The following TBC1D19 variants were observed in gnomAD, a reference collection of about 807,000 sequenced individuals.
TBC1D19 encodes the protein TBC1 domain family, member 19.
In TBC1D19, 60 loss-of-function variants were observed where a neutral mutation model predicts 89.0. That is an observed-to-expected ratio of 0.67 (90% CI 0.55 to 0.84). The LOEUF (loss-of-function observed/expected upper bound fraction) is 0.84. Ranked by LOEUF, TBC1D19 falls within the 40% of genes least tolerant of loss-of-function variation. TBC1D19 has a pLI of 0.00. For missense variants in TBC1D19, 500 were observed against 610.8 expected (o/e 0.82, Z 1.91); for synonymous variants, 189 against 199.7 (o/e 0.95, Z 0.45).
chr4:26,813,227 G>T, the TBC1D19 span, among the ~76,000 whole-genome samples: 7 of 151,792 alleles, frequency 4.6e-5, no homozygotes, highest in African/African-American at 1.7e-4. Context: ...CTCCAGCCTG[G>T]GTGACAGAGA....
At chr4:26,710,190 C>T (rs1389570788) in intron 13 of TBC1D19, among the ~76,000 whole-genome samples, 1 of 151,960 alleles carries the variant, frequency 6.6e-6, no homozygotes, top group Non-Finnish European at 1.5e-5. Flanking sequence ...TCTCCCCCAA[C>T]CCCACAACAG....
At chr4:26,614,822 C>T (rs969345817) in intron 3 of TBC1D19, among the ~76,000 whole-genome samples, 2 of 152,080 alleles carry the variant, frequency 1.3e-5, no homozygotes, top group East Asian at 1.9e-4. Flanking sequence ...GGATTACAGG[C>T]CCCTGCCACA....
the TBC1D19 span, among the ~76,000 whole-genome samples, chr4:26,856,721 C>A: frequency 2.0e-5 from 3 of 152,184 alleles, no homozygotes; most frequent in Non-Finnish European, 4.4e-5. Flanking sequence ...CAATTCTAGT[C>A]CTCTTTTTGT....
intron 7 of TBC1D19, among the ~76,000 whole-genome samples, chr4:26,645,014 C>A (rs926519863): frequency 6.6e-6 from 1 of 150,630 alleles, no homozygotes; most frequent in Non-Finnish European, 1.5e-5. Flanking sequence ...GAGGCACAAA[C>A]AAATGGAAGA....
intron 7 of TBC1D19, among the ~76,000 whole-genome samples, chr4:26,656,460 C>A (rs1224112286): frequency 6.6e-6 from 1 of 152,010 alleles, no homozygotes; most frequent in Non-Finnish European, 1.5e-5. Flanking sequence ...ATGATCCTAG[C>A]AAACATATTT....
intron 5 of TBC1D19, among the ~76,000 whole-genome samples, chr4:26,638,349 T>A (rs1743268059): frequency 6.7e-6 from 1 of 148,726 alleles, no homozygotes; most frequent in African/African-American, 2.6e-5. Flanking sequence ...TGTCTAAATA[T>A]GTAGTATTGT....
At chr4:26,713,777 A>G (rs1409669653) in intron 13 of TBC1D19, among the ~76,000 whole-genome samples, 3 of 152,132 alleles carry the variant, frequency 2.0e-5, no homozygotes, top group Non-Finnish European at 4.4e-5. Context: ...GTAAACATAT[A>G]GAAATGCTGG....
At chr4:26,630,534 T>C (rs1264353758) in intron 4 of TBC1D19, among the ~76,000 whole-genome samples, 1 of 151,968 alleles carries the variant, frequency 6.6e-6, no homozygotes, top group Non-Finnish European at 1.5e-5. Flanking sequence ...ACTTAGGGCC[T>C]AATTATCCAC....
At chr4:26,846,844 A>G in the TBC1D19 span, among the ~76,000 whole-genome samples, 1 of 152,162 alleles carries the variant, frequency 6.6e-6, no homozygotes, top group East Asian at 1.9e-4. Context: ...TCTTATTGAG[A>G]GTATGTCTAC....
At chr4:26,696,857 C>G (rs1714834189) in intron 13 of TBC1D19, among the ~76,000 whole-genome samples, 1 of 152,168 alleles carries the variant, frequency 6.6e-6, no homozygotes, top group Admixed American at 6.5e-5. Flanking sequence ...ACATTTAAAG[C>G]AGTGTGTAGA....
intron 18 of TBC1D19, 85 bp from the exon 19 acceptor site, chr4:26,748,326 A>T: frequency 1.1e-6 from 1 of 898,936 alleles, no homozygotes; most frequent in East Asian, 2.4e-5. Flanking sequence ...ACTCTTGAAT[A>T]GAATTGGTTG....
chr4:26,652,521 G>A lies in TBC1D19; in HGVS notation c.481-7076G>A, dbSNP rs866319604. ...CTCCCTGAGAGCTGGGATTACAGGCGTGAGCCACCGCACCCGGCCAGAGCC... is the reference window on the plus strand; with the variant it reads ...CTCCCTGAGAGCTGGGATTACAGGCATGAGCCACCGCACCCGGCCAGAGCC... On this transcript the variant is annotated intron_variant, in intron 7 of 20. Coordinates refer to ENST00000264866, the MANE Select transcript of TBC1D19 (RefSeq NM_018317.4). Among the ~76,000 whole-genome samples, 51 of 152,256 alleles carry A rather than the reference G, an allele frequency of 3.3e-4. No homozygotes were observed. In the Middle Eastern group the frequency reaches 0.01, roughly 30 times the overall value.
At chr4:26,766,617 T>G in the TBC1D19 span, among the ~76,000 whole-genome samples, 1 of 152,200 alleles carries the variant, frequency 6.6e-6, no homozygotes. Flanking sequence ...TAGTAACACC[T>G]GGACTGGAGA....
At chr4:26,781,097 C>T in the TBC1D19 span, among the ~76,000 whole-genome samples, 1 of 152,186 alleles carries the variant, frequency 6.6e-6, no homozygotes, top group African/African-American at 2.4e-5. Context: ...TCAGCATCAC[C>T]TGGGAACCTG....
chr4:26,771,999 T>A, the TBC1D19 span, among the ~76,000 whole-genome samples: 1 of 151,972 alleles, frequency 6.6e-6, no homozygotes, highest in African/African-American at 2.4e-5. Flanking sequence ...CCAGACTGAT[T>A]AGGGAAAAAA....
chr4:26,733,553 C>G (rs1717792973), intron 15 of TBC1D19, among the ~76,000 whole-genome samples: 1 of 152,160 alleles, frequency 6.6e-6, no homozygotes. Context: ...CTTATCGCAA[C>G]AGGTTGCTGA....
At chr4:26,786,937 T>C in the TBC1D19 span, among the ~76,000 whole-genome samples, 1 of 152,196 alleles carries the variant, frequency 6.6e-6, no homozygotes, top group Non-Finnish European at 1.5e-5. Context: ...TGCCATTTAC[T>C]AGCTACATGA....
intron 11 of TBC1D19, among the ~76,000 whole-genome samples, chr4:26,675,024 T>C (rs757083757): frequency 1.3e-5 from 2 of 152,090 alleles, no homozygotes; most frequent in Non-Finnish European, 1.5e-5. Context: ...TGCAATTTAT[T>C]TCAGAGCAGT....
At chr4:26,690,480 G>T (rs1260751582) in intron 13 of TBC1D19, among the ~76,000 whole-genome samples, 1 of 152,182 alleles carries the variant, frequency 6.6e-6, no homozygotes, top group Non-Finnish European at 1.5e-5. Flanking sequence ...TGTCTTCAAA[G>T]CTTCAAAGGA....
Sources: allele counts gnomAD v4.1 joint callset (sites outside exome capture counted in the v4.1 genomes callset), GRCh38; gene constraint gnomAD v4.1.1; transcripts MANE v1.5; gene names NCBI Gene and HGNC (gene_info 2026-07-23, HGNC 2026-07-21).